Variants in OSBPL10 observed in about 807,000 individuals in gnomAD.
The protein encoded by OSBPL10 is oxysterol-binding protein-related protein 10.
OSBPL10 carries 49 observed loss-of-function variants against 81.7 expected under a neutral mutation model. The observed-to-expected ratio is 0.60, with a 90% CI of 0.48 to 0.76. The LOEUF (loss-of-function observed/expected upper bound fraction) is 0.76. Ranked by LOEUF, OSBPL10 falls within the 30% of genes least tolerant of loss-of-function variation. OSBPL10 has a pLI of 0.00. For synonymous variants in OSBPL10, 419 were observed against 383.6 expected, an observed-to-expected ratio of 1.09 and a Z score of -1.08; for missense variants, 923 against 987.8, an observed-to-expected ratio of 0.93 and a Z score of 0.88.
At chr3:31,740,784 AAAAGAAAAAAAG>A (rs1385834927) in intron 5 of OSBPL10, among the ~76,000 whole-genome samples, 7 of 147,488 alleles carry the variant, frequency 4.7e-5, no homozygotes, top group African/African-American at 1.9e-4. Flanking sequence ...TATCTCAAAA[AAAAGAAAAAAAG>A]AAAGAAAGAA....
At chr3:31,870,764 C>T (rs1050657254) in intron 3 of OSBPL10, among the ~76,000 whole-genome samples, 2 of 152,148 alleles carry the variant, frequency 1.3e-5, no homozygotes, top group African/African-American at 4.8e-5. Flanking sequence ...CCTTGGAGAA[C>T]CTTTATGTCT....
At chr3:31,720,058 T>A (rs906634188) in intron 6 of OSBPL10, among the ~76,000 whole-genome samples, 7 of 144,992 alleles carry the variant, frequency 4.8e-5, no homozygotes, top group African/African-American at 1.3e-4. Flanking sequence ...ATATATATAT[T>A]ATATATATTT....
chr3:32,053,603 G>A (rs1381690827), intron 1 of OSBPL10, among the ~76,000 whole-genome samples: 1 of 152,052 alleles, frequency 6.6e-6, no homozygotes, highest in Admixed American at 6.5e-5. Flanking sequence ...TTAAGACCTG[G>A]GTTTGATATC....
At chr3:31,690,032 T>C (rs558921870) in intron 7 of OSBPL10, among the ~76,000 whole-genome samples, 1 of 151,902 alleles carries the variant, frequency 6.6e-6, no homozygotes, top group Admixed American at 6.6e-5. Context: ...GGAGAAGAAA[T>C]GCAAAGTACA....
At chr3:31,828,207 G>A (rs1700145642) in intron 4 of OSBPL10, among the ~76,000 whole-genome samples, 2 of 152,166 alleles carry the variant, frequency 1.3e-5, no homozygotes, top group South Asian at 2.1e-4. Context: ...TAAGTGTTGT[G>A]TCATTTTATC....
At chr3:31,749,690 C>T (rs1389984914) in intron 4 of OSBPL10, among the ~76,000 whole-genome samples, 2 of 152,084 alleles carry the variant, frequency 1.3e-5, no homozygotes, top group African/African-American at 4.8e-5. Flanking sequence ...TGGTGGACGC[C>T]TGTAGTCCCA....
chr3:31,825,815 A>G (rs1177691238), intron 4 of OSBPL10, among the ~76,000 whole-genome samples: 1 of 152,242 alleles, frequency 6.6e-6, no homozygotes, highest in African/African-American at 2.4e-5. Context: ...GTTTGCAAGT[A>G]AAATCCAAAA....
At chr3:31,744,855 G>A (rs1025858449) in intron 5 of OSBPL10, among the ~76,000 whole-genome samples, 15 of 151,784 alleles carry the variant, frequency 9.9e-5, no homozygotes, top group African/African-American at 2.9e-4. Context: ...ATTAATTTTA[G>A]GAATAAGAAA....
At chr3:31,909,055 CG>C (rs1336561769) in intron 1 of OSBPL10, among the ~76,000 whole-genome samples, 1 of 152,156 alleles carries the variant, frequency 6.6e-6, no homozygotes, top group African/African-American at 2.4e-5. Flanking sequence ...AGCTAGCATT[CG>C]TCAGAATTCT....
rs148458492 is a variant in OSBPL10 at position 31,949,184 on chromosome 3, C to T, written c.281+31715G>A. Among the ~76,000 whole-genome samples, 99 of 152,262 alleles carry T rather than the reference C, an allele frequency of 6.5e-4. No individual in the cohort carries two copies. The East Asian group carries it at 0.018, about 28-fold the overall frequency. Reference sequence around the variant, plus strand: ...TGCAAATCTGCCTCAATTGTCATTCCTAAAACGCACACACATATTATTTCA... The same window carrying T: ...TGCAAATCTGCCTCAATTGTCATTCTTAAAACGCACACACATATTATTTCA... On this transcript the variant is annotated intron_variant, in intron 1 of 11. Transcript: ENST00000396556.
chr3:32,076,670 G>A (rs1263665729), intron 1 of OSBPL10, among the ~76,000 whole-genome samples: 3 of 152,066 alleles, frequency 2.0e-5, no homozygotes, highest in South Asian at 2.1e-4. Context: ...CCGGCTGTGC[G>A]GGAGACCAGA....
chr3:31,730,735 T>C (rs182832016), intron 6 of OSBPL10, among the ~76,000 whole-genome samples: 60 of 152,336 alleles, frequency 3.9e-4, no homozygotes, highest in Admixed American at 3.7e-3. Context: ...AGCTTCAAAA[T>C]GCGTTACTGT....
intron 3 of OSBPL10, among the ~76,000 whole-genome samples, chr3:31,871,937 A>G (rs1242473615): frequency 2.0e-5 from 3 of 152,150 alleles, no homozygotes; most frequent in Non-Finnish European, 4.4e-5. Flanking sequence ...TAAGACCTTC[A>G]AAGTCATACA....
chr3:31,979,673 CTT>C (rs1490221267), intron 1 of OSBPL10, among the ~76,000 whole-genome samples: 1 of 151,932 alleles, frequency 6.6e-6, no homozygotes, highest in Non-Finnish European at 1.5e-5. Flanking sequence ...CGCACTGACA[CTT>C]GTATTTCCCT....
chr3:31,998,090 G>C (rs1343157016), intron 2 of OSBPL10, among the ~76,000 whole-genome samples: 2 of 152,184 alleles, frequency 1.3e-5, no homozygotes, highest in Non-Finnish European at 1.5e-5. Context: ...CCCAGCTATA[G>C]CCTCAGTGTC....
intron 9 of OSBPL10, among the ~76,000 whole-genome samples, chr3:31,670,396 T>A (rs1051194925): frequency 1.3e-5 from 2 of 152,242 alleles, no homozygotes; most frequent in African/African-American, 4.8e-5. Context: ...GATCTTGACC[T>A]CATGGATGCA....
chr3:31,931,681 C>T (rs141751063), intron 1 of OSBPL10, among the ~76,000 whole-genome samples: 2 of 152,296 alleles, frequency 1.3e-5, no homozygotes, highest in African/African-American at 4.8e-5. Flanking sequence ...TTATCAAATC[C>T]ATCTTTTTAT....
chr3:31,963,130 T>A (rs1387332912), intron 1 of OSBPL10, among the ~76,000 whole-genome samples: 1 of 152,016 alleles, frequency 6.6e-6, no homozygotes, highest in Non-Finnish European at 1.5e-5. Flanking sequence ...TCACACAGAT[T>A]CAAAAATTAT....
chr3:31,773,334 G>A (rs184124086), intron 4 of OSBPL10, among the ~76,000 whole-genome samples: 5 of 152,144 alleles, frequency 3.3e-5, no homozygotes, highest in East Asian at 3.9e-4. Context: ...TCCTGCACTC[G>A]TCAGCACTAC....
Sources: gnomAD v4.1 joint callset for allele counts (sites outside exome capture counted in the v4.1 genomes callset) on GRCh38, gnomAD v4.1.1 for gene constraint, MANE v1.5 for transcripts, NCBI Gene and HGNC (gene_info 2026-07-23, HGNC 2026-07-21) for gene names.